The following SEMA3A variants were observed in gnomAD, a reference collection of about 807,000 sequenced individuals.
SEMA3A encodes the protein semaphorin 3A, also known as semaphorin-3A.
In SEMA3A, 29 loss-of-function variants were observed where a neutral mutation model predicts 97.9. That is an observed-to-expected ratio of 0.30 (90% confidence interval 0.22 to 0.40). The LOEUF is 0.40. Among genes scored for constraint, SEMA3A ranks in the 10% least tolerant of loss-of-function variants. SEMA3A has a pLI of 1.00. For missense variants in SEMA3A, 763 were observed against 951.3 expected, an observed-to-expected ratio of 0.80 and a Z score of 2.60; for synonymous variants, 321 against 323.7, an observed-to-expected ratio of 0.99 and a Z score of 0.09.
At chr7:83,998,419 AC>A (rs1358518108) in intron 12 of SEMA3A, among the ~76,000 whole-genome samples, 1 of 152,172 alleles carries the variant, frequency 6.6e-6, no homozygotes, top group Non-Finnish European at 1.5e-5. Flanking sequence ...TTTAAATGGT[AC>A]ACCTGTGTAG....
intron 15 of SEMA3A, among the ~76,000 whole-genome samples, chr7:83,964,255 A>T (rs867152281): frequency 6.6e-6 from 1 of 152,172 alleles, no homozygotes; most frequent in African/African-American, 2.4e-5. Flanking sequence ...TCCTGTTTCC[A>T]TTATGACATC....
intron 5 of SEMA3A, among the ~76,000 whole-genome samples, chr7:84,049,495 C>T (rs941879289): frequency 8.6e-5 from 13 of 151,990 alleles, no homozygotes; most frequent in African/African-American, 3.1e-4. Flanking sequence ...TAATATCAAC[C>T]CAGAGTATAT....
intron 2 of SEMA3A, among the ~76,000 whole-genome samples, chr7:84,134,162 A>C (rs1440852456): frequency 6.6e-6 from 1 of 152,222 alleles, no homozygotes; most frequent in Non-Finnish European, 1.5e-5. Flanking sequence ...TGATGTCTGC[A>C]TGACCACATT....
Position 84,211,456 on chromosome 7 carries a change from CA to C in SEMA3A, c.-82-16789del, listed in dbSNP as rs71522696. ...TGAAACCCTGTCTCTACTAAAAATACAAAAAAAAAAAAAAATTAGTCGGGCA... is the reference window on the plus strand; with the variant it reads ...TGAAACCCTGTCTCTACTAAAAATACAAAAAAAAAAAAAATTAGTCGGGCA... On this transcript the variant is annotated intron_variant, in intron 3 of 3. Coordinates refer to the SEMA3A transcript ENST00000424555. 3.5e-3 allele frequency among the ~76,000 whole-genome samples: 437 copies of C among 125,576 alleles called. 2 individuals carry two copies. Among genetic ancestry groups the C allele is most frequent in the Middle Eastern group, 0.02 (5 of 256 alleles). The allele number at this position is 125,576 out of a possible 152,430, so 82.4% of individuals were successfully genotyped here.
intron 1 of SEMA3A, among the ~76,000 whole-genome samples, chr7:84,173,821 T>C (rs1227383993): frequency 6.6e-6 from 1 of 152,000 alleles, no homozygotes; most frequent in Non-Finnish European, 1.5e-5. Flanking sequence ...AGAGCAAGCA[T>C]TACTGCCTGA....
chr7:84,314,706 C>T lies in SEMA3A; in HGVS notation c.-168-7414G>A, dbSNP rs566987503. Among the ~76,000 whole-genome samples the T allele has an allele frequency of 7.9e-5, 12 of 152,268 alleles. No individual in the cohort carries two copies. The South Asian group carries it at 1.4e-3, about 18-fold the overall frequency. On this transcript the variant is annotated intron_variant, in intron 2 of 3. Coordinates refer to the SEMA3A transcript ENST00000424555. ...ATAGAAAGTGCACAGATGCAAAAGG[C>T]ATATAGAAGATAGCATATCAGAGAC... is the stretch of plus-strand genomic sequence containing the variant.
intron 1 of SEMA3A, among the ~76,000 whole-genome samples, chr7:84,183,406 A>G (rs968239029): frequency 6.6e-6 from 1 of 152,144 alleles, no homozygotes; most frequent in African/African-American, 2.4e-5. Context: ...ATGACCTATC[A>G]TTCAATAATA....
chr7:84,145,594 A>G (rs1049660191), intron 1 of SEMA3A, among the ~76,000 whole-genome samples: 58 of 152,302 alleles, frequency 3.8e-4, no homozygotes, highest in African/African-American at 1.3e-3. Flanking sequence ...TAAACTGGCT[A>G]TCAAATAACA....
chr7:84,301,129 A>C (rs946932388), intron 3 of SEMA3A, among the ~76,000 whole-genome samples: 2 of 152,238 alleles, frequency 1.3e-5, no homozygotes, highest in African/African-American at 4.8e-5. Flanking sequence ...TGAAAACTAC[A>C]AGAATAAAAC....
At chr7:84,461,364 CTT>C (rs1157089852) in intron 1 of SEMA3A, among the ~76,000 whole-genome samples, 1 of 151,966 alleles carries the variant, frequency 6.6e-6, no homozygotes, top group African/African-American at 2.4e-5. Context: ...CAGGTTGTAA[CTT>C]TTTCAAAATT....
intron 2 of SEMA3A, among the ~76,000 whole-genome samples, chr7:84,317,013 G>T (rs1801521910): frequency 6.6e-6 from 1 of 151,786 alleles, no homozygotes; most frequent in Admixed American, 6.6e-5. Context: ...ACTATTAGCT[G>T]GTACCCATCA....
At chr7:84,277,388 C>T (rs925974290) in intron 3 of SEMA3A, among the ~76,000 whole-genome samples, 1 of 151,890 alleles carries the variant, frequency 6.6e-6, no homozygotes, top group Non-Finnish European at 1.5e-5. Flanking sequence ...TAGTTCTGTC[C>T]ACCTAAAGGG....
intron 4 of SEMA3A, among the ~76,000 whole-genome samples, chr7:84,102,273 T>C (rs911859617): frequency 6.6e-6 from 1 of 152,250 alleles, no homozygotes; most frequent in Non-Finnish European, 1.5e-5. Context: ...TGTGCTTTTC[T>C]ACTTATCTGC....
intron 12 of SEMA3A, among the ~76,000 whole-genome samples, chr7:83,988,821 T>A (rs2116339836): frequency 6.6e-6 from 1 of 150,888 alleles, no homozygotes; most frequent in East Asian, 2.0e-4. Flanking sequence ...TGGCCACAAA[T>A]CTCAAAAACT....
chr7:84,435,960 A>G (rs1245835864), intron 1 of SEMA3A, among the ~76,000 whole-genome samples: 1 of 152,232 alleles, frequency 6.6e-6, no homozygotes, highest in African/African-American at 2.4e-5. Context: ...CCGAAACAGC[A>G]TGGTACTGGT....
intron 4 of SEMA3A, among the ~76,000 whole-genome samples, chr7:84,068,978 T>A (rs1318194907): frequency 6.6e-6 from 1 of 152,144 alleles, no homozygotes; most frequent in East Asian, 1.9e-4. Flanking sequence ...ATATGTTTCC[T>A]TTTAATGTAA....
intron 3 of SEMA3A, among the ~76,000 whole-genome samples, chr7:84,269,218 T>A (rs1276300078): frequency 6.6e-6 from 1 of 152,162 alleles, no homozygotes; most frequent in Non-Finnish European, 1.5e-5. Context: ...CTCTGTTCCT[T>A]CCATAGTTTA....
chr7:84,377,484 A>T (rs1305211374), intron 1 of SEMA3A, among the ~76,000 whole-genome samples: 7 of 152,212 alleles, frequency 4.6e-5, no homozygotes, highest in Admixed American at 4.6e-4. Flanking sequence ...TGCCAGCACT[A>T]TGCTGTTTGG....
chr7:84,249,376 T>TATC (rs1799548159), intron 3 of SEMA3A, among the ~76,000 whole-genome samples: 2 of 146,566 alleles, frequency 1.4e-5, no homozygotes, highest in Admixed American at 6.7e-5. Context: ...ATCATCTATC[T>TATC]ATCTATCTAT....
Sources: gnomAD v4.1 joint callset for allele counts (sites outside exome capture counted in the v4.1 genomes callset) on GRCh38, gnomAD v4.1.1 for gene constraint, MANE v1.5 for transcripts, NCBI Gene and HGNC (gene_info 2026-07-23, HGNC 2026-07-21) for gene names.